The following ZRANB3 variants were observed in gnomAD, a reference collection of about 807,000 sequenced individuals.
ZRANB3 encodes DNA annealing helicase and endonuclease ZRANB3.
In ZRANB3, 125 loss-of-function variants were observed where a neutral mutation model predicts 133.8. That is an observed-to-expected ratio of 0.93 (90% CI 0.81 to 1.08). ZRANB3 has a LOEUF of 1.08. Ranked by LOEUF, ZRANB3 falls within the 50% of genes least tolerant of loss-of-function variation. The pLI is 0.00. For missense variants in ZRANB3, 1,229 were observed against 1,275.5 expected, an observed-to-expected ratio of 0.96 and a Z score of 0.56; for synonymous variants, 387 against 432.7, an observed-to-expected ratio of 0.89 and a Z score of 1.31.
intron 11 of ZRANB3, 54 bp downstream of exon 11, chr2:135,268,908 T>G: frequency 6.6e-7 from 1 of 1,505,132 alleles, no homozygotes. Context: ...TAACTCACAT[T>G]GGCTATGGTT....
chr2:135,302,878 T>C (rs1008613704), intron 8 of ZRANB3, among the ~76,000 whole-genome samples: 4 of 152,180 alleles, frequency 2.6e-5, no homozygotes, highest in Non-Finnish European at 4.4e-5. Flanking sequence ...TTCTCATATA[T>C]GTTCTTTTTC....
At chr2:135,485,001 A>G (rs1178878167) in intron 2 of ZRANB3, among the ~76,000 whole-genome samples, 1 of 151,990 alleles carries the variant, frequency 6.6e-6, no homozygotes, top group Non-Finnish European at 1.5e-5. Flanking sequence ...GCGCCACTGC[A>G]CTCCAGCCTG....
At chr2:135,254,876 G>A (rs954029912) in intron 12 of ZRANB3, among the ~76,000 whole-genome samples, 7 of 151,594 alleles carry the variant, frequency 4.6e-5, no homozygotes, top group Admixed American at 2.0e-4. Context: ...TCAGCCTCCC[G>A]AGCAGCTGGG....
chr2:135,488,711 C>T (rs1692235919), intron 2 of ZRANB3, among the ~76,000 whole-genome samples: 2 of 148,740 alleles, frequency 1.3e-5, no homozygotes, highest in Admixed American at 6.7e-5. Context: ...AATTTGTAAA[C>T]ACCACATATA....
intron 2 of ZRANB3, among the ~76,000 whole-genome samples, chr2:135,412,749 A>G (rs1160065774): frequency 6.7e-6 from 1 of 150,196 alleles, no homozygotes; most frequent in Non-Finnish European, 1.5e-5. Context: ...TGCAGAGACT[A>G]TTTCCTGTTT....
At chr2:135,346,319 C>T (rs987021265) in intron 5 of ZRANB3, among the ~76,000 whole-genome samples, 2 of 152,110 alleles carry the variant, frequency 1.3e-5, no homozygotes, top group African/African-American at 4.8e-5. Flanking sequence ...CCAGGATGGT[C>T]TCGATCTTCT....
chr2:135,248,421 C>T (rs1180227377), intron 12 of ZRANB3, among the ~76,000 whole-genome samples: 2 of 152,172 alleles, frequency 1.3e-5, no homozygotes, highest in African/African-American at 4.8e-5. Context: ...ACAAAAGCAA[C>T]AGTTGACAAG....
chr2:135,387,040 AAAG>A (rs1206127850), intron 3 of ZRANB3, among the ~76,000 whole-genome samples: 1 of 152,072 alleles, frequency 6.6e-6, no homozygotes, highest in Non-Finnish European at 1.5e-5. Context: ...AAAGATACCG[AAAG>A]AAGGGGGAAT....
At position 135,414,570 on chromosome 2, in the gene ZRANB3, C is replaced by T. The variant is rs1688464408; in HGVS notation, c.162-23750G>A. Reference sequence around the variant, plus strand: ...TGAGACAGAAAGTTAACAAGGATACCCAGGGATTGAACTCAGCTCTGCACC... The same window carrying T: ...TGAGACAGAAAGTTAACAAGGATACTCAGGGATTGAACTCAGCTCTGCACC... On this transcript the variant is annotated intron_variant, in intron 2 of 20. Coordinates refer to ENST00000264159, the MANE Select transcript of ZRANB3 (RefSeq NM_032143.4). Among the ~76,000 whole-genome samples, 6 of 152,044 alleles carry T rather than the reference C, an allele frequency of 3.9e-5. 1 individual carries two copies. The highest frequency in any genetic ancestry group is 3.9e-4 in the Admixed American group (6 of 15,242).
rs573244650 is a variant in ZRANB3 at position 135,406,995 on chromosome 2, T to G, written c.162-16175A>C. 1.8e-3 allele frequency among the ~76,000 whole-genome samples: 279 copies of G among 152,186 alleles called. 1 individual carries two copies. Among genetic ancestry groups the G allele is most frequent in the Non-Finnish European group, 2.0e-3 (133 of 68,010 alleles). On this transcript the variant is annotated intron_variant, in intron 2 of 20. Transcript: ENST00000264159. The stretch of plus-strand genomic sequence containing the variant: ...AGGGCAATCAGGCAGGAGAAGGAAA[T>G]AAAGGGTATTCAATTAGGAAAAGAG...
intron 3 of ZRANB3, among the ~76,000 whole-genome samples, chr2:135,362,181 G>C (rs1245615527): frequency 6.8e-6 from 1 of 146,316 alleles, no homozygotes; most frequent in Non-Finnish European, 1.5e-5. Context: ...CTGGGCAGCA[G>C]AGCAAGACTC....
At chr2:135,508,457 A>C (rs1693296109) in intron 1 of ZRANB3, among the ~76,000 whole-genome samples, 1 of 152,202 alleles carries the variant, frequency 6.6e-6, no homozygotes. Flanking sequence ...ATTTGTAAAA[A>C]TAAACAATGA....
chr2:135,292,045 G>T (rs985432081), intron 8 of ZRANB3, among the ~76,000 whole-genome samples: 2 of 152,084 alleles, frequency 1.3e-5, no homozygotes, highest in Non-Finnish European at 2.9e-5. Context: ...GAATAGTGCC[G>T]AAATAAATGT....
chr2:135,236,566 G>A (rs1489332427), intron 12 of ZRANB3, among the ~76,000 whole-genome samples: 10 of 152,128 alleles, frequency 6.6e-5, no homozygotes, highest in Non-Finnish European at 4.4e-5. Flanking sequence ...AACCAAAACA[G>A]CATGGTACTG....
At chr2:135,506,540 T>C (rs1161109954) in intron 1 of ZRANB3, among the ~76,000 whole-genome samples, 1 of 152,222 alleles carries the variant, frequency 6.6e-6, no homozygotes, top group Non-Finnish European at 1.5e-5. Flanking sequence ...AATGGAGTTG[T>C]GCTGTCGCAT....
chr2:135,277,202 G>C (rs1209925708), intron 8 of ZRANB3, among the ~76,000 whole-genome samples: 1 of 139,986 alleles, frequency 7.1e-6, no homozygotes, highest in Admixed American at 6.7e-5. Flanking sequence ...CTTCAGGCAA[G>C]AGAGCAGAAT....
At chr2:135,292,013 G>A (rs1208171290) in intron 8 of ZRANB3, among the ~76,000 whole-genome samples, 8 of 152,024 alleles carry the variant, frequency 5.3e-5, no homozygotes, top group Non-Finnish European at 1.2e-4. Context: ...CATTTGGGTT[G>A]GTTCCAAGTC....
chr2:135,470,811 T>A (rs1691230044), intron 2 of ZRANB3, among the ~76,000 whole-genome samples: 1 of 150,786 alleles, frequency 6.6e-6, no homozygotes, highest in Admixed American at 6.6e-5. Context: ...TTTCTTTTTT[T>A]TTTTTTTTGA....
At position 135,199,962 on chromosome 2, in the gene ZRANB3, A is replaced by G. The variant is rs545767343; in HGVS notation, c.*380T>C. Reference sequence around the variant, plus strand: ...CATAAGGTTTTGCAATGTTCCACTCATACCTATGACAGTCCAGAACAATAC... The same window carrying G: ...CATAAGGTTTTGCAATGTTCCACTCGTACCTATGACAGTCCAGAACAATAC... On this transcript the variant is annotated 3_prime_UTR_variant, in exon 21 of 21. Transcript: ENST00000264159. 5 of 245,100 alleles carry G rather than the reference A, an allele frequency of 2.0e-5. No individual in the cohort carries two copies. The highest frequency in any genetic ancestry group is 4.7e-5 in the African/African-American group (2 of 42,946). 15.2% of individuals were successfully genotyped at this position (245,100 alleles called of 1,614,324 possible).
Sources: gnomAD v4.1 joint callset for allele counts (sites outside exome capture counted in the v4.1 genomes callset) on GRCh38, gnomAD v4.1.1 for gene constraint, MANE v1.5 for transcripts, NCBI Gene and HGNC (gene_info 2026-07-23, HGNC 2026-07-21) for gene names.